The following COX4I2 variants were observed in gnomAD, a reference collection of about 807,000 sequenced individuals.
COX4I2 encodes cytochrome c oxidase subunit 4 isoform 2, mitochondrial.
Under a neutral mutation model 20.8 loss-of-function variants are expected in COX4I2, and 15 were observed. That is an observed-to-expected ratio of 0.72 (90% CI 0.48 to 1.11). The LOEUF (loss-of-function observed/expected upper bound fraction) is 1.11, where lower values mean the gene tolerates loss of function less well. Ranked by LOEUF, COX4I2 falls within the 50% of genes most tolerant of loss-of-function variation. COX4I2 has a pLI of 0.00. For missense variants in COX4I2, 224 were observed against 223.0 expected, an observed-to-expected ratio of 1.00 and a Z score of -0.03; for synonymous variants, 80 against 78.1, an observed-to-expected ratio of 1.02 and a Z score of -0.13.
chr20:31,639,066 G>A lies in COX4I2; in HGVS notation c.49G>A (p.Gly17Arg). The A allele has an allele frequency of 6.2e-7, 1 of 1,612,400 alleles. No individual in the cohort carries two copies. The highest frequency in any genetic ancestry group is 8.5e-7 in the Non-Finnish European group (1 of 1,179,436). The change falls in exon 2 of 5, where the codon GGA (glycine) becomes AGA (arginine). Residue 17 changes from glycine (G) to arginine (R), a missense_variant. Gly to Arg is a moderately radical substitution (Grantham distance 125). Coordinates refer to ENST00000376075, the MANE Select transcript of COX4I2 (RefSeq NM_032609.3). ...CTTGGTGCTGAGGAAAGGTGGAGGT[G>A]GAAGACGAGGGATGCACAGCTCAGA... ...WSLVLRKGGG[G>R]RRGMHSSEGT...
chr20:31,642,182 C>G (rs1340995877), intron 3 of COX4I2, among the ~76,000 whole-genome samples: 1 of 151,974 alleles, frequency 6.6e-6, no homozygotes, highest in Non-Finnish European at 1.5e-5. Context: ...AGACCTCTTC[C>G]AGGGCAGGCA....
In COX4I2 at chr20:31,642,952, G is replaced by A. The variant is rs184416895; in HGVS notation, c.248-452G>A. On this transcript the variant is annotated intron_variant, in intron 3 of 4. Transcript: ENST00000376075. ...ATTCTAACAAGGTCCTGTGTGAACC[G>A]GCTCTGCCTCTCATTTGAGAGAGCC... is the stretch of plus-strand genomic sequence containing the variant. 1.5e-3 allele frequency among the ~76,000 whole-genome samples: 221 copies of A among 152,256 alleles called. 1 individual carries two copies. The highest frequency in any genetic ancestry group is 3.7e-3 in the Admixed American group (56 of 15,296).
At chr20:31,639,358 T>C (rs1229720902) in intron 2 of COX4I2, 1 of 875,462 alleles carries the variant, frequency 1.1e-6, no homozygotes, top group African/African-American at 1.8e-5. Context: ...AGACCTTTTG[T>C]TCTGAGGTGG....
rs753597922 is a variant in COX4I2, at chr20:31,643,494, T to A, written c.338T>A (p.Ile113Asn). 1.2e-6 allele frequency: 2 copies of A among 1,614,174 alleles called. No individual in the cohort carries two copies. The highest frequency in any genetic ancestry group is 3.3e-5 in the Admixed American group (2 of 60,006). ...GTGATGGGTTGTGTCTTCTTCTTCATTGGATTCGCAGCTCTGGTGATTTGG... is the reference window on the plus strand; with the variant it reads ...GTGATGGGTTGTGTCTTCTTCTTCAATGGATTCGCAGCTCTGGTGATTTGG... ...KTVMGCVFFF[I>N]GFAALVIWWQ... Residue 113 changes from isoleucine to asparagine, a missense_variant, in exon 4 of 5, where the codon ATT (isoleucine) becomes AAT (asparagine). Coordinates refer to ENST00000376075, the MANE Select transcript of COX4I2 (RefSeq NM_032609.3).
chr20:31,644,262 G>C (rs754157658), intron 4 of COX4I2, among the ~76,000 whole-genome samples: 2 of 152,182 alleles, frequency 1.3e-5, no homozygotes, highest in African/African-American at 2.4e-5. Flanking sequence ...ACATGTATCA[G>C]GTGCTTAATA....
At position 31,639,956 on chromosome 20, in the gene COX4I2, C is replaced by G; in HGVS notation, c.106C>G (p.Pro36Ala). 6.2e-7 allele frequency: 1 copy of G among 1,614,096 alleles called. No individual in the cohort carries two copies. Residue 36 changes from proline (P) to alanine (A), a missense_variant, in exon 3 of 5, where the codon CCC becomes GCC. By Grantham distance (27) the Pro-to-Ala change is conservative (BLOSUM62 -1). Coordinates refer to ENST00000376075, the MANE Select transcript of COX4I2 (RefSeq NM_032609.3). ...AGCCCGTGGTGGGGGGAAGATGTCC[C>G]CCTACACCAACTGCTATGCCCAGCG... ...GTTRGGGKMS[P>A]YTNCYAQRYY...
At chr20:31,642,465 A>C (rs2060473951) in intron 3 of COX4I2, among the ~76,000 whole-genome samples, 1 of 114,138 alleles carries the variant, frequency 8.8e-6, no homozygotes. Context: ...TTTGAGACAG[A>C]GTCTCGCTCT....
chr20:31,643,589 C>G, intron 4 of COX4I2, 54 bp downstream of exon 4: 2 of 1,605,656 alleles, frequency 1.2e-6, no homozygotes, highest in Non-Finnish European at 1.7e-6. Flanking sequence ...CTTGTGGTCA[C>G]GGCCACCAGA....
intron 4 of COX4I2, among the ~76,000 whole-genome samples, chr20:31,644,404 G>A (rs1447229090): frequency 6.6e-6 from 1 of 152,184 alleles, no homozygotes; most frequent in Non-Finnish European, 1.5e-5. Context: ...CGCAGGGCAA[G>A]GGAGTGGTAG....
At position 31,639,031 on chromosome 20, in the gene COX4I2, CT is replaced by C. The variant is rs2060451745; in HGVS notation, c.15del (p.Ala6ProfsTer6). On this transcript the variant is annotated frameshift_variant, in exon 2 of 5. Coordinates refer to ENST00000376075, the MANE Select transcript of COX4I2 (RefSeq NM_032609.3). LOFTEE classifies it high-confidence loss of function. Reference sequence around the variant, plus strand: ...TCACGCCCCCAGATGCTCCCCAGAGCTGCCTGGAGCTTGGTGCTGAGGAAAG... The same window carrying C: ...TCACGCCCCCAGATGCTCCCCAGAGCGCCTGGAGCTTGGTGCTGAGGAAAG... MLPR[A>X]AWSLVLRKGG... 6.2e-7 allele frequency: 1 copy of C among 1,611,488 alleles called. No individual in the cohort carries two copies. Among genetic ancestry groups the C allele is most frequent in the East Asian group, 2.2e-5 (1 of 44,834 alleles).
rs141463789 is a variant in COX4I2 at position 31,639,941 on chromosome 20, G to C, written c.91G>C (p.Gly31Arg). The change falls in exon 3 of 5, where the codon GGG becomes CGG. Residue 31 changes from glycine (G) to arginine (R), a missense_variant. Coordinates refer to ENST00000376075, the MANE Select transcript of COX4I2 (RefSeq NM_032609.3). ...MHSSEGTTRG[G>R]GKMSPYTNCY... is the part of the protein sequence containing the mutation. ...CTCCATTGTGTCTGCAGCCCGTGGT[G>C]GGGGGAAGATGTCCCCCTACACCAA... The C allele has an allele frequency of 4.4e-5, 71 of 1,613,748 alleles. 1 individual carries two copies. The highest frequency in any genetic ancestry group is 5.9e-6 in the Non-Finnish European group (7 of 1,179,914).
At chr20:31,640,294 T>C (rs1362141745) in intron 3 of COX4I2, among the ~76,000 whole-genome samples, 197 bp downstream of exon 3, 1 of 152,164 alleles carries the variant, frequency 6.6e-6, no homozygotes, top group African/African-American at 2.4e-5. Context: ...TGCTAGGCAA[T>C]GCTGGGGACA....
Position 31,639,192 on chromosome 20 carries a change from C to T in COX4I2, c.82+93C>T, listed in dbSNP as rs1334336568. ...GCCCCCTTTGCCCTTCCATGCCACC[C>T]TGGGCCTGTTCCTACCACACTTCCC... On this transcript the variant is annotated intron_variant, in intron 2 of 4. Transcript: ENST00000376075. 5.8e-6 allele frequency: 9 copies of T among 1,544,244 alleles called. No homozygotes were observed. In the East Asian group the frequency reaches 1.2e-4, roughly 21 times the overall value.
intron 3 of COX4I2, among the ~76,000 whole-genome samples, chr20:31,643,123 C>T (rs139641499): frequency 8.1e-4 from 124 of 152,278 alleles, no homozygotes; most frequent in Non-Finnish European, 1.5e-3. Flanking sequence ...ATTGATTTTT[C>T]AAACCTCAGC....
At position 31,638,872 on chromosome 20, in the gene COX4I2, G is replaced by A. The variant is rs2060450948; in HGVS notation, c.1-146G>A. 1.4e-5 allele frequency: 12 copies of A among 866,254 alleles called. 1 individual carries two copies. In the South Asian group the frequency reaches 1.7e-4, roughly 12 times the overall value. The allele number at this position is 866,254 out of a possible 1,614,324, so 53.7% of individuals were successfully genotyped here. On this transcript the variant is annotated intron_variant, in intron 1 of 4. Coordinates refer to ENST00000376075, the MANE Select transcript of COX4I2 (RefSeq NM_032609.3). ...TGGGGATATCAGACAAAATTAGAAGGGTCAAGGGCATGAGGGTGACCTTGA... is the reference window on the plus strand; with the variant it reads ...TGGGGATATCAGACAAAATTAGAAGAGTCAAGGGCATGAGGGTGACCTTGA...
At chr20:31,643,644 A>T (rs2060480529) in intron 4 of COX4I2, 109 bp downstream of exon 4, 1 of 1,369,072 alleles carries the variant, frequency 7.3e-7, no homozygotes, top group African/African-American at 1.4e-5. Context: ...GAAGAGCTGA[A>T]AATTTCTGAA....
intron 3 of COX4I2, among the ~76,000 whole-genome samples, chr20:31,640,954 T>TACACACAC (rs35214276): frequency 0.018 from 2,452 of 133,558 alleles, 36 homozygotes; most frequent in East Asian, 0.041. Flanking sequence ...TCTCTCTTTC[T>TACACACAC]ACACACACAC....
rs145481393 is a variant in COX4I2, at chr20:31,643,489, C to G, written c.333C>G (p.Phe111Leu). ...AGACAGTGATGGGTTGTGTCTTCTTCTTCATTGGATTCGCAGCTCTGGTGA... is the reference window on the plus strand; with the variant it reads ...AGACAGTGATGGGTTGTGTCTTCTTGTTCATTGGATTCGCAGCTCTGGTGA... ...EWKTVMGCVF[F>L]FIGFAALVIW... is the part of the protein sequence containing the mutation. Residue 111 changes from phenylalanine to leucine, a missense_variant, in exon 4 of 5, where the codon TTC (phenylalanine) becomes TTG (leucine). Physicochemically the swap from Phe to Leu is conservative, Grantham distance 22 (BLOSUM62 0). Transcript: ENST00000376075. The G allele has an allele frequency of 2.0e-4, 328 of 1,614,172 alleles. 2 individuals carry two copies. The African/African-American group carries it at 3.6e-3, about 18-fold the overall frequency.
At chr20:31,643,204 T>A (rs538795300) in intron 3 of COX4I2, among the ~76,000 whole-genome samples, 200 bp from the exon 4 acceptor site, 1 of 152,260 alleles carries the variant, frequency 6.6e-6, no homozygotes, top group African/African-American at 2.4e-5. Context: ...TGCCATTGTC[T>A]CCCCCTCTAA....
Sources: gnomAD v4.1 joint callset for allele counts (sites outside exome capture counted in the v4.1 genomes callset) on GRCh38, gnomAD v4.1.1 for gene constraint, MANE v1.5 for transcripts, NCBI Gene and HGNC (gene_info 2026-07-23, HGNC 2026-07-21) for gene names.